Variants in ZNF213 observed in about 807,000 individuals in gnomAD.
The protein encoded by ZNF213 is zinc finger protein 213, also known as putative transcription factor CR53.
ZNF213 carries 32 observed loss-of-function variants against 46.0 expected under a neutral mutation model. The ratio of observed to expected loss-of-function variants is 0.70; its 90% CI spans 0.52 to 0.93. The LOEUF (loss-of-function observed/expected upper bound fraction) is 0.93. ZNF213 is among the 40% of genes least tolerant of loss of function. The pLI, the probability that ZNF213 is intolerant of heterozygous loss-of-function variation, is 0.00. For missense variants in ZNF213, 639 were observed against 652.8 expected, an observed-to-expected ratio of 0.98 and a Z score of 0.23; for synonymous variants, 297 against 271.0, an observed-to-expected ratio of 1.10 and a Z score of -0.94.
In ZNF213 at chr16:3,141,624, A is replaced by G; in HGVS notation, c.*277A>G. The G allele has an allele frequency of 6.4e-6, 3 of 466,356 alleles. No individual in the cohort carries two copies. The highest frequency in any genetic ancestry group is 1.1e-5 in the Non-Finnish European group (3 of 264,890). The allele number at this position is 466,356 out of a possible 1,614,324, so 28.9% of individuals were successfully genotyped here. A position where few individuals can be genotyped will look rare whatever the true frequency, so the allele number is the denominator to read the frequency against. On this transcript the variant is annotated 3_prime_UTR_variant, in exon 6 of 6. Coordinates refer to ENST00000396878, the MANE Select transcript of ZNF213 (RefSeq NM_004220.3). ...CCCTCTAGTTTCCTGGAGCCCCAAC[A>G]CATTCCTGGCAGGGACAGCAGGGTG... is the stretch of plus-strand genomic sequence containing the variant.
Position 3,141,426 on chromosome 16 carries a change from C to A in ZNF213, c.*79C>A. 1 of 1,442,400 alleles carries A rather than the reference C, an allele frequency of 6.9e-7. No individual in the cohort carries two copies. Among genetic ancestry groups the A allele is most frequent in the East Asian group, 2.4e-5 (1 of 41,270 alleles). The allele number at this position is 1,442,400 out of a possible 1,614,324, so 89.4% of individuals were successfully genotyped here. A position where few individuals can be genotyped will look rare whatever the true frequency, so the allele number is the denominator to read the frequency against. ...TTGTTCACCACTGGGACTCTCCTTCCATCTGTGGCCACCTCCCGGGCTGTC... is the reference window on the plus strand; with the variant it reads ...TTGTTCACCACTGGGACTCTCCTTCAATCTGTGGCCACCTCCCGGGCTGTC... On this transcript the variant is annotated 3_prime_UTR_variant, in exon 6 of 6. Coordinates refer to ENST00000396878, the MANE Select transcript of ZNF213 (RefSeq NM_004220.3).
chr16:3,136,124 C>G (rs1957534227), intron 1 of ZNF213, among the ~76,000 whole-genome samples: 1 of 152,136 alleles, frequency 6.6e-6, no homozygotes, highest in Non-Finnish European at 1.5e-5. Context: ...AGCCACCAAG[C>G]CCGGCCAGTT....
chr16:3,139,324 A>G, intron 5 of ZNF213: 1 of 582,070 alleles, frequency 1.7e-6, no homozygotes, highest in East Asian at 3.1e-5. Flanking sequence ...TCTAAGGGCA[A>G]CTTCTCCTTT....
chr16:3,140,808 G>C lies in ZNF213; in HGVS notation c.841G>C (p.Glu281Gln), dbSNP rs1424379339. The change falls in exon 6 of 6, where the codon GAG becomes CAG. Residue 281 changes from glutamate to glutamine, a missense_variant. Glu to Gln is a conservative substitution (Grantham distance 29). Coordinates refer to ENST00000396878, the MANE Select transcript of ZNF213 (RefSeq NM_004220.3). ...SWSPEEAEAW[E>Q]SENRPRAALG... The stretch of plus-strand genomic sequence containing the variant: ...GAGCCCCGAGGAGGCTGAGGCCTGG[G>C]AGAGCGAGAACCGGCCGAGGGCGGC... 6.3e-7 allele frequency: 1 copy of C among 1,595,316 alleles called. No homozygotes were observed. The highest frequency in any genetic ancestry group is 8.5e-7 in the Non-Finnish European group (1 of 1,173,462).
Position 3,141,058 on chromosome 16 carries a change from A to G in ZNF213, c.1091A>G (p.Gln364Arg). Residue 364 changes from glutamine (Q) to arginine (R), a missense_variant, in exon 6 of 6, where the codon CAA becomes CGA. Transcript: ENST00000396878. ...AGCTCCTCGGACCTGGTGCGCCACC[A>G]AGGCGTGCACACGGGCGAGAAGCCC... ...FRSSSDLVRHQGVHTGEKPFS... is the reference protein window; with the variant it reads ...FRSSSDLVRHRGVHTGEKPFS... 5 of 1,613,146 alleles carry G rather than the reference A, an allele frequency of 3.1e-6. No homozygotes were observed. Among genetic ancestry groups the G allele is most frequent in the Non-Finnish European group, 4.2e-6 (5 of 1,179,834 alleles).
Position 3,141,513 on chromosome 16 carries a change from G to A in ZNF213, c.*166G>A. On this transcript the variant is annotated 3_prime_UTR_variant, in exon 6 of 6. Coordinates refer to ENST00000396878, the MANE Select transcript of ZNF213 (RefSeq NM_004220.3). ...CTGCCCTGCTTGGCTCTGAGGACCTGCCCAGCGCTCAAAGGGAACGGAAGC... is the reference window on the plus strand; with the variant it reads ...CTGCCCTGCTTGGCTCTGAGGACCTACCCAGCGCTCAAAGGGAACGGAAGC... The A allele has an allele frequency of 1.3e-6, 1 of 748,670 alleles. No homozygotes were observed. The highest frequency in any genetic ancestry group is 2.1e-6 in the Non-Finnish European group (1 of 485,948). The allele number at this position is 748,670 out of a possible 1,614,324, so 46.4% of individuals were successfully genotyped here.
Position 3,140,957 on chromosome 16 carries a change from G to T in ZNF213, c.990G>T (p.Ser330=). 1 of 1,604,938 alleles carries T rather than the reference G, an allele frequency of 6.2e-7. No individual in the cohort carries two copies. The change falls in exon 6 of 6, where the codon TCG becomes TCT. Residue 330 remains serine (S), a synonymous_variant. Transcript: ENST00000396878. ...GQCGKRFRWG[S]DLARHQRTHT... is the part of the protein sequence containing the mutation. ...GTGGAAAGCGCTTCCGCTGGGGCTCGGACCTGGCGCGGCACCAGCGCACGC... is the reference window on the plus strand; with the variant it reads ...GTGGAAAGCGCTTCCGCTGGGGCTCTGACCTGGCGCGGCACCAGCGCACGC...
At position 3,140,925 on chromosome 16, in the gene ZNF213, G is replaced by T. The variant is rs552963910; in HGVS notation, c.958G>T (p.Gly320Trp). ...DLAAEKPHSC[G>W]QCGKRFRWGS... ...GGCAGCCGAGAAGCCGCACAGCTGC[G>T]GGCAGTGTGGAAAGCGCTTCCGCTG... Residue 320 changes from glycine (G) to tryptophan (W), a missense_variant, in exon 6 of 6, where the codon GGG (glycine) becomes TGG (tryptophan). Gly to Trp is a radical substitution (Grantham distance 184, BLOSUM62 -2). Transcript: ENST00000396878. 1 of 1,596,038 alleles carries T rather than the reference G, an allele frequency of 6.3e-7. No homozygotes were observed. The highest frequency in any genetic ancestry group is 8.5e-7 in the Non-Finnish European group (1 of 1,174,786).
intron 5 of ZNF213, 35 bp from the exon 6 acceptor site, chr16:3,140,654 G>A (rs1957592368): frequency 6.8e-7 from 1 of 1,480,958 alleles, no homozygotes; most frequent in South Asian, 1.4e-5. Context: ...CCAGAACCGC[G>A]TGGGACTGAA....
chr16:3,141,388 G>C lies in ZNF213; in HGVS notation c.*41G>C, dbSNP rs767540892. On this transcript the variant is annotated 3_prime_UTR_variant, in exon 6 of 6. Coordinates refer to ENST00000396878, the MANE Select transcript of ZNF213 (RefSeq NM_004220.3). ...GGAAACCCGGGGGAGGCCCAGCCAC[G>C]GCACATCCTGCTTTGTTCACCACTG... 6.6e-7 allele frequency: 1 copy of C among 1,514,404 alleles called. No individual in the cohort carries two copies. Among genetic ancestry groups the C allele is most frequent in the Non-Finnish European group, 8.8e-7 (1 of 1,137,272 alleles). 93.8% of individuals were successfully genotyped at this position (1,514,404 alleles called of 1,614,324 possible).
chr16:3,141,593 C>T lies in ZNF213; in HGVS notation c.*246C>T. On this transcript the variant is annotated 3_prime_UTR_variant, in exon 6 of 6. Transcript: ENST00000396878. ...TTTCCCCCTTCTGCGCCTAGCGTTC[C>T]TCTTCCCCTCTAGTTTCCTGGAGCC... is the stretch of plus-strand genomic sequence containing the variant. 1 of 497,762 alleles carries T rather than the reference C, an allele frequency of 2.0e-6. No individual in the cohort carries two copies. The highest frequency in any genetic ancestry group is 3.5e-6 in the Non-Finnish European group (1 of 284,850). The allele number at this position is 497,762 out of a possible 1,614,324, so 30.8% of individuals were successfully genotyped here.
At chr16:3,137,711 GGATGGTAT>G in intron 2 of ZNF213, 32 bp downstream of exon 2, 3 of 1,606,932 alleles carry the variant, frequency 1.9e-6, no homozygotes, top group Non-Finnish European at 2.5e-6. Flanking sequence ...AGGGGCACCT[GGATGGTAT>G]CTGAGCTCGA....
At chr16:3,140,456 C>G (rs1957590769) in intron 5 of ZNF213, 2 of 496,834 alleles carry the variant, frequency 4.0e-6, no homozygotes, top group Non-Finnish European at 3.2e-6. Flanking sequence ...CTCCTAACCT[C>G]AGGTGATCAG....
rs773508013 is a variant in ZNF213 at position 3,140,968 on chromosome 16, GGCACCAGCGCAC to G, written c.1006_1017del (p.Gln336_His339del). ...TTCCGCTGGGGCTCGGACCTGGCGC[GGCACCAGCGCAC>G]GCACACGGGCGAGAAGCCACACAAG... On this transcript the variant is annotated inframe_deletion, in exon 6 of 6. Transcript: ENST00000396878. The G allele has an allele frequency of 6.2e-7, 1 of 1,607,274 alleles. No individual in the cohort carries two copies. Among genetic ancestry groups the G allele is most frequent in the Non-Finnish European group, 8.5e-7 (1 of 1,178,720 alleles).
At chr16:3,136,359 G>A (rs1309967905) in intron 1 of ZNF213, among the ~76,000 whole-genome samples, 3 of 152,206 alleles carry the variant, frequency 2.0e-5, no homozygotes, top group Non-Finnish European at 2.9e-5. Flanking sequence ...GTGCACAGAC[G>A]ATATATCAAG....
intron 5 of ZNF213, 118 bp downstream of exon 5, chr16:3,139,216 A>G: frequency 2.1e-6 from 3 of 1,434,596 alleles, no homozygotes; most frequent in Non-Finnish European, 2.8e-6. Flanking sequence ...AGGTCTTGCC[A>G]GGAGCCTGAG....
chr16:3,138,704 G>T (rs763258640), intron 3 of ZNF213, 41 bp from the exon 4 acceptor site: 4 of 1,613,444 alleles, frequency 2.5e-6, no homozygotes, highest in South Asian at 1.1e-5. Flanking sequence ...TCGGTGTCAA[G>T]CCTGGGCTGG....
chr16:3,142,461 T>TTTTTTAATGATA lies in ZNF213; in HGVS notation c.*1114_*1115insTTTTTAATGATA. On this transcript the variant is annotated 3_prime_UTR_variant, in exon 6 of 6. Coordinates refer to ENST00000396878, the MANE Select transcript of ZNF213 (RefSeq NM_004220.3). Reference sequence around the variant, plus strand: ...CCATTGTCACTAACGTCCGGCTCCATCGGCACTACCACCCCGCTCCATCAT... The same window carrying TTTTTTAATGATA: ...CCATTGTCACTAACGTCCGGCTCCATTTTTTAATGATACGGCACTACCACCCCGCTCCATCAT... The TTTTTTAATGATA allele has an allele frequency of 5.1e-6, 1 of 195,042 alleles. No homozygotes were observed. The highest frequency in any genetic ancestry group is 1.1e-5 in the Non-Finnish European group (1 of 92,496). 12.1% of individuals were successfully genotyped at this position (195,042 alleles called of 1,614,324 possible).
Position 3,137,242 on chromosome 16 carries a change from A to G in ZNF213, c.-39A>G, listed in dbSNP as rs1957549239. 6.5e-7 allele frequency: 1 copy of G among 1,533,002 alleles called. No individual in the cohort carries two copies. 95.0% of individuals were successfully genotyped at this position (1,533,002 alleles called of 1,614,324 possible). A position where few individuals can be genotyped will look rare whatever the true frequency, so the allele number is the denominator to read the frequency against. On this transcript the variant is annotated 5_prime_UTR_variant, in exon 2 of 6. Transcript: ENST00000396878. Reference sequence around the variant, plus strand: ...ACTGAAAGTACAGGTTCTGGGGCCCAGGTTGAAGCCGACCAACCCTGAGCC... The same window carrying G: ...ACTGAAAGTACAGGTTCTGGGGCCCGGGTTGAAGCCGACCAACCCTGAGCC...
Sources: gnomAD v4.1 joint callset for allele counts (sites outside exome capture counted in the v4.1 genomes callset) on GRCh38, gnomAD v4.1.1 for gene constraint, MANE v1.5 for transcripts, NCBI Gene and HGNC (gene_info 2026-07-23, HGNC 2026-07-21) for gene names.